Variants in SLC9A9 observed in about 807,000 individuals in gnomAD.
SLC9A9 encodes sodium/hydrogen exchanger 9.
A neutral mutation model predicts 77.8 loss-of-function variants in SLC9A9; 62 were observed. The ratio of observed to expected loss-of-function variants is 0.80; its 90% CI spans 0.65 to 0.98. SLC9A9 has a LOEUF of 0.98. Ranked by LOEUF, SLC9A9 falls within the 50% of genes least tolerant of loss-of-function variation. The pLI, the probability that SLC9A9 is intolerant of heterozygous loss-of-function variation, is 0.00. For synonymous variants in SLC9A9, 320 were observed against 283.5 expected, an observed-to-expected ratio of 1.13 and a Z score of -1.29; for missense variants, 775 against 774.9, an observed-to-expected ratio of 1.00 and a Z score of 0.00.
At chr3:143,338,646 C>G (rs2031999287) in intron 14 of SLC9A9, among the ~76,000 whole-genome samples, 1 of 152,156 alleles carries the variant, frequency 6.6e-6, no homozygotes, top group Non-Finnish European at 1.5e-5. Flanking sequence ...ACAGCAACCA[C>G]TGGGTAGAGG....
intron 1 of SLC9A9, among the ~76,000 whole-genome samples, chr3:143,835,647 T>A (rs2009549227): frequency 6.6e-6 from 1 of 152,190 alleles, no homozygotes; most frequent in Admixed American, 6.5e-5. Flanking sequence ...TGAGAGTAGG[T>A]TGTTTTTATA....
At chr3:143,503,862 C>G (rs1319396670) in intron 9 of SLC9A9, 8 of 350,010 alleles carry the variant, frequency 2.3e-5, no homozygotes, top group South Asian at 1.8e-4. Context: ...TTGCACTTCT[C>G]ATGATTTACA....
chr3:143,385,058 A>G (rs962413752), intron 12 of SLC9A9, among the ~76,000 whole-genome samples: 7 of 152,156 alleles, frequency 4.6e-5, no homozygotes, highest in East Asian at 1.9e-4. Flanking sequence ...CTGGTCCCAT[A>G]AAGTCTGACA....
chr3:143,695,246 T>C (rs955090064), intron 4 of SLC9A9, among the ~76,000 whole-genome samples: 2 of 152,196 alleles, frequency 1.3e-5, no homozygotes, highest in Admixed American at 6.5e-5. Flanking sequence ...GCAGGTTTGT[T>C]ACATAAGTAT....
chr3:143,829,105 T>C (rs1448516491), intron 2 of SLC9A9, among the ~76,000 whole-genome samples: 2 of 152,292 alleles, frequency 1.3e-5, no homozygotes, highest in East Asian at 3.9e-4. Context: ...TTTCTTGTTT[T>C]GCCCATCTAT....
intron 8 of SLC9A9, among the ~76,000 whole-genome samples, chr3:143,568,766 C>T (rs2037211977): frequency 6.6e-6 from 1 of 152,176 alleles, no homozygotes; most frequent in Non-Finnish European, 1.5e-5. Context: ...CAAAGCCCTC[C>T]TGAACTTGAC....
Position 143,760,036 on chromosome 3 carries a change from C to T in SLC9A9, c.533+34965G>A, listed in dbSNP as rs114066456. On this transcript the variant is annotated intron_variant, in intron 4 of 15. Coordinates refer to ENST00000316549, the MANE Select transcript of SLC9A9 (RefSeq NM_173653.4). ...ACAAATGAATAAACTTAGAGCCATA[C>T]CTTCATTTGAAATTCCCCAAATAGT... is the stretch of plus-strand genomic sequence containing the variant. Among the ~76,000 whole-genome samples, 304 of 152,064 alleles carry T rather than the reference C, an allele frequency of 2.0e-3. 1 individual carries two copies. The highest frequency in any genetic ancestry group is 7.0e-3 in the African/African-American group (291 of 41,488).
intron 3 of SLC9A9, 34 bp downstream of exon 3, chr3:143,796,792 T>C: frequency 6.7e-7 from 1 of 1,481,786 alleles, no homozygotes; most frequent in Non-Finnish European, 9.4e-7. Flanking sequence ...CTCTACTTAA[T>C]GATAAAAGAA....
Position 143,268,879 on chromosome 3 carries a change from T to C in SLC9A9, c.1706A>G (p.Tyr569Cys). The stretch of plus-strand genomic sequence containing the variant: ...AGAGGCCTGAGATTTACTTACCCCA[T>C]AGGCTTGAGGACTGGTAAGCAGCCT... The part of the protein sequence containing the change: ...ISRLLTSPQA[Y>C]GEQLKEDDVE... The change falls in exon 15 of 16, where the codon TAT becomes TGT. Residue 569 changes from tyrosine (Y) to cysteine (C), a missense_variant. Physicochemically the swap from Tyr to Cys is radical, Grantham distance 194. Coordinates refer to ENST00000316549, the MANE Select transcript of SLC9A9 (RefSeq NM_173653.4). 1 of 1,599,804 alleles carries C rather than the reference T, an allele frequency of 6.3e-7. No individual in the cohort carries two copies. Among genetic ancestry groups the C allele is most frequent in the South Asian group, 1.1e-5 (1 of 90,830 alleles).
intron 6 of SLC9A9, among the ~76,000 whole-genome samples, chr3:143,583,447 A>T (rs2037489540): frequency 6.6e-6 from 1 of 152,180 alleles, no homozygotes; most frequent in African/African-American, 2.4e-5. Flanking sequence ...GTTTCTCTAC[A>T]ACTCATCTTT....
At chr3:143,798,111 T>C (rs1469884322) in intron 2 of SLC9A9, among the ~76,000 whole-genome samples, 2 of 152,136 alleles carry the variant, frequency 1.3e-5, no homozygotes, top group East Asian at 1.9e-4. Flanking sequence ...TTTACTCTCT[T>C]CTCCAGCCTC....
intron 8 of SLC9A9, among the ~76,000 whole-genome samples, chr3:143,562,420 G>C (rs748538863): frequency 6.6e-6 from 1 of 151,978 alleles, no homozygotes. Flanking sequence ...GGTGATTGCG[G>C]GGCATATCTG....
chr3:143,548,397 C>T (rs954751978), intron 9 of SLC9A9, among the ~76,000 whole-genome samples: 3 of 152,002 alleles, frequency 2.0e-5, no homozygotes, highest in African/African-American at 7.3e-5. Context: ...TTCTGGATGG[C>T]CCTGGGTGAG....
chr3:143,428,135 GAC>G (rs1334640844), intron 12 of SLC9A9, among the ~76,000 whole-genome samples: 4 of 152,134 alleles, frequency 2.6e-5, no homozygotes, highest in Admixed American at 6.5e-5. Flanking sequence ...AAAGTGAAGA[GAC>G]AACCTAGAGA....
intron 2 of SLC9A9, among the ~76,000 whole-genome samples, chr3:143,815,185 G>A (rs907327340): frequency 2.6e-5 from 4 of 152,138 alleles, no homozygotes; most frequent in African/African-American, 9.7e-5. Context: ...AAAATGGGGA[G>A]AAATTTTACT....
chr3:143,484,775 T>C (rs2035631076), intron 11 of SLC9A9, among the ~76,000 whole-genome samples: 1 of 152,164 alleles, frequency 6.6e-6, no homozygotes, highest in South Asian at 2.1e-4. Context: ...AAGTTCAAAG[T>C]CGAGAGGCCT....
At chr3:143,544,474 G>A (rs1430115269) in intron 9 of SLC9A9, among the ~76,000 whole-genome samples, 5 of 151,996 alleles carry the variant, frequency 3.3e-5, no homozygotes, top group Non-Finnish European at 7.4e-5. Context: ...TGATCCGCCC[G>A]CCTCGGCCTT....
chr3:143,686,024 A>T (rs1385210817), intron 5 of SLC9A9, among the ~76,000 whole-genome samples: 1 of 152,180 alleles, frequency 6.6e-6, no homozygotes, highest in Admixed American at 6.5e-5. Context: ...TATGTGCTAG[A>T]AATGCAGCTA....
intron 12 of SLC9A9, among the ~76,000 whole-genome samples, chr3:143,434,402 G>A (rs1458906144): frequency 6.6e-6 from 1 of 152,050 alleles, no homozygotes; most frequent in Non-Finnish European, 1.5e-5. Flanking sequence ...TTGCTTATTT[G>A]ATAATTCCCT....
Sources: allele counts gnomAD v4.1 joint callset (sites outside exome capture counted in the v4.1 genomes callset), GRCh38; gene constraint gnomAD v4.1.1; transcripts MANE v1.5; gene names NCBI Gene and HGNC (gene_info 2026-07-23, HGNC 2026-07-21).